HFM1: variants seen among roughly 807,000 people sequenced by gnomAD.
HFM1 encodes helicase for meiosis 1, also known as probable ATP-dependent DNA helicase HFM1.
HFM1 carries 169 observed loss-of-function variants against 192.1 expected under a neutral mutation model. The ratio of observed to expected loss-of-function variants is 0.88; its 90% CI spans 0.78 to 1.00. HFM1 has a LOEUF of 1.00. Among genes scored for constraint, HFM1 ranks in the 50% least tolerant of loss-of-function variants. The probability of loss-of-function intolerance (pLI) is 0.00; values close to 1 mark genes in which losing one functional copy is unlikely to be tolerated. For synonymous variants in HFM1, 525 were observed against 537.8 expected, an observed-to-expected ratio of 0.98 and a Z score of 0.33; for missense variants, 1,661 against 1,668.0, an observed-to-expected ratio of 1.00 and a Z score of 0.07.
At chr1:91,352,292 T>A (rs1299184661) in intron 16 of HFM1, among the ~76,000 whole-genome samples, 1 of 150,702 alleles carries the variant, frequency 6.6e-6, no homozygotes, top group Non-Finnish European at 1.5e-5. Context: ...CATAAACCCA[T>A]CCCCTCATCA....
chr1:91,316,273 C>A, intron 26 of HFM1, 89 bp from the exon 27 acceptor site: 1 of 1,003,456 alleles, frequency 1.0e-6, no homozygotes, highest in Non-Finnish European at 1.5e-6. Context: ...TTTAATAATG[C>A]TTATCACCCA....
intron 30 of HFM1, among the ~76,000 whole-genome samples, chr1:91,303,052 C>T (rs1649075424): frequency 6.6e-6 from 1 of 152,140 alleles, no homozygotes; most frequent in Non-Finnish European, 1.5e-5. Context: ...CATTTTTAAA[C>T]TGTACAATTC....
intron 30 of HFM1, among the ~76,000 whole-genome samples, chr1:91,294,362 A>G (rs72726276): frequency 0.3 from 45,169 of 152,060 alleles, 6,994 homozygotes; most frequent in Non-Finnish European, 0.34. Context: ...CAATTTATAT[A>G]CATGGACTCA....
intron 30 of HFM1, among the ~76,000 whole-genome samples, chr1:91,284,715 A>G (rs1029038716): frequency 2.0e-5 from 3 of 152,208 alleles, no homozygotes; most frequent in African/African-American, 7.2e-5. Flanking sequence ...GCAGGCCTGA[A>G]AATTTTTTAA....
intron 30 of HFM1, among the ~76,000 whole-genome samples, chr1:91,289,837 G>C (rs972289352): frequency 6.6e-6 from 1 of 152,212 alleles, no homozygotes; most frequent in African/African-American, 2.4e-5. Context: ...CTCAGCATCA[G>C]AGGGAGACCG....
At chr1:91,389,472 A>G (rs575777793) in intron 4 of HFM1, among the ~76,000 whole-genome samples, 35 of 152,070 alleles carry the variant, frequency 2.3e-4, no homozygotes, top group Non-Finnish European at 4.6e-4. Context: ...GGTTTAGATG[A>G]GGTCATGAGG....
intron 1 of HFM1, among the ~76,000 whole-genome samples, chr1:91,404,112 A>G (rs1557545928): frequency 6.6e-6 from 1 of 152,214 alleles, no homozygotes; most frequent in African/African-American, 2.4e-5. Context: ...AGAAGGAAAA[A>G]TCAACGGGAA....
At chr1:91,358,698 C>A (rs1361965432) in intron 13 of HFM1, among the ~76,000 whole-genome samples, 1 of 152,198 alleles carries the variant, frequency 6.6e-6, no homozygotes, top group East Asian at 1.9e-4. Flanking sequence ...CAGAAGAGAA[C>A]ATAGGGCAAA....
intron 13 of HFM1, among the ~76,000 whole-genome samples, chr1:91,371,127 G>A (rs1571147879): frequency 6.6e-6 from 1 of 152,050 alleles, no homozygotes; most frequent in East Asian, 1.9e-4. Context: ...CCATGCTCAT[G>A]GGTAGGAAGA....
At chr1:91,339,122 G>A (rs1571007437) in intron 20 of HFM1, 1 of 427,764 alleles carries the variant, frequency 2.3e-6, no homozygotes, top group African/African-American at 2.1e-5. Context: ...CCATCTGAAG[G>A]ACAGCAACTT....
At chr1:91,299,634 T>A (rs1394660740) in intron 30 of HFM1, among the ~76,000 whole-genome samples, 2 of 152,130 alleles carry the variant, frequency 1.3e-5, no homozygotes, top group African/African-American at 4.8e-5. Context: ...AGAAATTCAC[T>A]CAAAACCGCT....
At chr1:91,280,820 G>C (rs1435942382) in intron 30 of HFM1, among the ~76,000 whole-genome samples, 1 of 152,210 alleles carries the variant, frequency 6.6e-6, no homozygotes, top group African/African-American at 2.4e-5. Context: ...CTAATACCAT[G>C]CTGATCTTGC....
At chr1:91,326,729 A>G (rs1652968233) in intron 20 of HFM1, among the ~76,000 whole-genome samples, 1 of 152,198 alleles carries the variant, frequency 6.6e-6, no homozygotes, top group Admixed American at 6.5e-5. Flanking sequence ...ATATTATAAC[A>G]CTGTAATTGT....
intron 6 of HFM1, among the ~76,000 whole-genome samples, chr1:91,383,447 A>G (rs558415573): frequency 1.1e-4 from 16 of 152,296 alleles, no homozygotes; most frequent in African/African-American, 3.6e-4. Flanking sequence ...GTTTATAGTT[A>G]CTATATCAAC....
intron 11 of HFM1, chr1:91,377,607 T>A (rs1452722814): frequency 5.9e-6 from 1 of 170,380 alleles, no homozygotes; most frequent in African/African-American, 2.4e-5. Context: ...TTTGCATCTA[T>A]ATTTAGTGCT....
chr1:91,356,200 C>T (rs931927299), intron 13 of HFM1, among the ~76,000 whole-genome samples: 1 of 151,272 alleles, frequency 6.6e-6, no homozygotes, highest in Non-Finnish European at 1.5e-5. Context: ...GGAAAGACAA[C>T]ACACCAAAAC....
intron 1 of HFM1, among the ~76,000 whole-genome samples, chr1:91,403,319 ATT>A (rs1664502052): frequency 1.3e-5 from 2 of 152,112 alleles, no homozygotes; most frequent in Non-Finnish European, 2.9e-5. Flanking sequence ...AATAAAAATA[ATT>A]TTCTGTTAAT....
chr1:91,290,268 G>A (rs925325969), intron 30 of HFM1, among the ~76,000 whole-genome samples: 5 of 152,158 alleles, frequency 3.3e-5, no homozygotes, highest in Non-Finnish European at 7.3e-5. Flanking sequence ...ATTGGATAAA[G>A]AGTCAAGACC....
At chr1:91,359,259 T>G (rs1402419036) in intron 13 of HFM1, among the ~76,000 whole-genome samples, 2 of 152,088 alleles carry the variant, frequency 1.3e-5, no homozygotes, top group Non-Finnish European at 2.9e-5. Context: ...CTGAGATGGC[T>G]GAATCGACAG....
Sources: allele counts gnomAD v4.1 joint callset (sites outside exome capture counted in the v4.1 genomes callset), GRCh38; gene constraint gnomAD v4.1.1; transcripts MANE v1.5; gene names NCBI Gene and HGNC (gene_info 2026-07-23, HGNC 2026-07-21).